Variants in DPP6 observed in about 807,000 individuals in gnomAD.
DPP6 encodes A-type potassium channel modulatory protein DPP6.
Under a neutral mutation model 122.6 loss-of-function variants are expected in DPP6, and 69 were observed. The observed-to-expected ratio is 0.56, with a 90% CI of 0.46 to 0.69. DPP6 has a LOEUF of 0.69. Ranked by LOEUF, DPP6 falls within the 30% of genes least tolerant of loss-of-function variation. The pLI is 0.00. For synonymous variants in DPP6, 418 were observed against 433.1 expected, an observed-to-expected ratio of 0.97 and a Z score of 0.43; for missense variants, 928 against 1,116.9, an observed-to-expected ratio of 0.83 and a Z score of 2.41.
chr7:153,966,622 C>A (rs1795753397), intron 1 of DPP6, among the ~76,000 whole-genome samples: 1 of 109,692 alleles, frequency 9.1e-6, no homozygotes, highest in Admixed American at 1.0e-4. Flanking sequence ...AAAAATTATA[C>A]TTTAATTTTT....
At chr7:154,076,139 G>C (rs1192808917) in intron 1 of DPP6, among the ~76,000 whole-genome samples, 5 of 151,914 alleles carry the variant, frequency 3.3e-5, no homozygotes, top group Admixed American at 3.3e-4. Context: ...GAGTAAAACT[G>C]GGTTTAAAAT....
intron 1 of DPP6, among the ~76,000 whole-genome samples, chr7:153,980,267 G>C (rs1002127008): frequency 6.6e-6 from 1 of 152,130 alleles, no homozygotes; most frequent in Non-Finnish European, 1.5e-5. Context: ...TCGTGGTTTA[G>C]TCTTGGGAGG....
At chr7:154,721,367 G>A (rs1242960170) in intron 7 of DPP6, among the ~76,000 whole-genome samples, 2 of 152,142 alleles carry the variant, frequency 1.3e-5, no homozygotes, top group Non-Finnish European at 2.9e-5. Context: ...TTGCTTAACA[G>A]CTCTGTGCTC....
intron 1 of DPP6, among the ~76,000 whole-genome samples, chr7:154,216,814 T>C (rs1048538210): frequency 2.1e-5 from 3 of 141,422 alleles, no homozygotes; most frequent in African/African-American, 7.8e-5. Flanking sequence ...GCAGAGGTCA[T>C]GTTTTTTGTG....
At chr7:154,364,139 C>G (rs959288536) in intron 1 of DPP6, among the ~76,000 whole-genome samples, 17 of 152,290 alleles carry the variant, frequency 1.1e-4, no homozygotes, top group African/African-American at 4.1e-4. Context: ...TATATAAACA[C>G]AAATATAACC....
rs1356159648 is a variant in DPP6 at position 154,500,703 on chromosome 7, C to A, written c.457+25666C>A. ...AACTGTAAGTCCAATAAACCTCTTT[C>A]TTTTGTCAACTGCGCAGTCTTGGGT... On this transcript the variant is annotated intron_variant, in intron 3 of 25. Transcript: ENST00000377770. 2.0e-5 allele frequency among the ~76,000 whole-genome samples: 3 copies of A among 152,198 alleles called. No homozygotes were observed. In the East Asian group the frequency reaches 5.8e-4, roughly 29 times the overall value.
intron 16 of DPP6, among the ~76,000 whole-genome samples, chr7:154,822,850 C>G (rs1333016294): frequency 1.3e-5 from 2 of 152,188 alleles, no homozygotes; most frequent in African/African-American, 4.8e-5. Context: ...TGTATGTTTT[C>G]AGATGCCCAT....
At chr7:154,830,133 T>G (rs762209021) in intron 16 of DPP6, among the ~76,000 whole-genome samples, 1 of 152,210 alleles carries the variant, frequency 6.6e-6, no homozygotes, top group Non-Finnish European at 1.5e-5. Flanking sequence ...TTTTTTTGAG[T>G]CTTCCAGCTA....
intron 1 of DPP6, among the ~76,000 whole-genome samples, chr7:154,211,383 G>C (rs1306869375): frequency 6.6e-6 from 1 of 152,176 alleles, no homozygotes; most frequent in Non-Finnish European, 1.5e-5. Flanking sequence ...GAGTCAGGGA[G>C]TCACTGGGTT....
chr7:154,499,865 G>A (rs998864839), intron 3 of DPP6, among the ~76,000 whole-genome samples: 1 of 152,162 alleles, frequency 6.6e-6, no homozygotes, highest in African/African-American at 2.4e-5. Context: ...ATAAGAGTCA[G>A]CATTTAGACA....
chr7:153,787,768 TAAG>T, the DPP6 span, among the ~76,000 whole-genome samples: 1 of 150,366 alleles, frequency 6.7e-6, no homozygotes, highest in African/African-American at 2.4e-5. Context: ...AAAAATAAAA[TAAG>T]AAAAAAAGAA....
intron 1 of DPP6, among the ~76,000 whole-genome samples, chr7:154,441,208 G>A (rs1247421354): frequency 6.6e-6 from 1 of 152,160 alleles, no homozygotes; most frequent in Non-Finnish European, 1.5e-5. Context: ...AGCTCAGGAT[G>A]CAACAAGAAG....
chr7:153,867,952 T>C, the DPP6 span, among the ~76,000 whole-genome samples: 2 of 152,210 alleles, frequency 1.3e-5, no homozygotes, highest in Admixed American at 1.3e-4. Flanking sequence ...CTGGATTACG[T>C]TTATTGATTT....
chr7:153,888,628 G>A (rs1305670264), intron 1 of DPP6, among the ~76,000 whole-genome samples: 1 of 151,458 alleles, frequency 6.6e-6, no homozygotes, highest in African/African-American at 2.4e-5. Context: ...GTGCCTTCGT[G>A]TGTTTATTTT....
chr7:154,505,366 C>A (rs1169444932), intron 3 of DPP6, among the ~76,000 whole-genome samples: 1 of 152,154 alleles, frequency 6.6e-6, no homozygotes, highest in Non-Finnish European at 1.5e-5. Flanking sequence ...CAACGTTTGA[C>A]ACAATGAATT....
At chr7:154,456,533 G>T (rs1376803082) in intron 2 of DPP6, among the ~76,000 whole-genome samples, 1 of 150,424 alleles carries the variant, frequency 6.6e-6, no homozygotes, top group Non-Finnish European at 1.5e-5. Context: ...TGGGAGAAAG[G>T]CCTTGAAGGA....
At chr7:154,268,763 A>T (rs1803594453) in intron 1 of DPP6, among the ~76,000 whole-genome samples, 2 of 152,062 alleles carry the variant, frequency 1.3e-5, no homozygotes, top group African/African-American at 4.8e-5. Context: ...GTTCCACAAA[A>T]TGCTGCTGTC....
intron 1 of DPP6, among the ~76,000 whole-genome samples, chr7:153,950,006 C>T (rs1802132696): frequency 6.6e-6 from 1 of 152,126 alleles, no homozygotes. Flanking sequence ...TGAGTCAGCA[C>T]TGAGTCGATT....
At chr7:154,061,401 G>A (rs1801852317) in intron 1 of DPP6, among the ~76,000 whole-genome samples, 2 of 146,884 alleles carry the variant, frequency 1.4e-5, no homozygotes, top group South Asian at 4.4e-4. Context: ...CCAAACTGTG[G>A]GGCCCTGGCT....
Sources: allele counts gnomAD v4.1 joint callset (sites outside exome capture counted in the v4.1 genomes callset), GRCh38; gene constraint gnomAD v4.1.1; transcripts MANE v1.5; gene names NCBI Gene and HGNC (gene_info 2026-07-23, HGNC 2026-07-21).